Variants in CDH18 observed in about 807,000 individuals in gnomAD.
CDH18 encodes the protein cadherin 18.
Under a neutral mutation model 67.9 loss-of-function variants are expected in CDH18, and 31 were observed. The ratio of observed to expected loss-of-function variants is 0.46; its 90% CI spans 0.34 to 0.62. CDH18 has a LOEUF of 0.62. Ranked by LOEUF, CDH18 falls within the 20% of genes least tolerant of loss-of-function variation. The probability of loss-of-function intolerance (pLI) is 0.01; values close to 1 mark genes in which losing one functional copy is unlikely to be tolerated. For missense variants in CDH18, 890 were observed against 975.5 expected (o/e 0.91, Z 1.17); for synonymous variants, 362 against 347.2 (o/e 1.04, Z -0.48).
In CDH18 at chr5:19,604,538, C is replaced by T. The variant is rs1274776403; in HGVS notation, c.811+7896G>A. Among the ~76,000 whole-genome samples, 17 of 24,532 alleles carry T rather than the reference C, an allele frequency of 6.9e-4. No homozygotes were observed. The East Asian group carries it at 0.04, about 58-fold the overall frequency. 16.1% of individuals were successfully genotyped at this position (24,532 alleles called of 152,430 possible). A position where few individuals can be genotyped will look rare whatever the true frequency, so the allele number is the denominator to read the frequency against. ...TGCTAATTTCAAATTAAAACACACA[C>T]ACACACACACACACACACACACACA... is the stretch of plus-strand genomic sequence containing the variant. On this transcript the variant is annotated intron_variant, in intron 6 of 12. Coordinates refer to ENST00000382275, the MANE Select transcript of CDH18 (RefSeq NM_004934.5).
chr5:19,830,299 G>A (rs533026710), intron 3 of CDH18, among the ~76,000 whole-genome samples: 5 of 152,004 alleles, frequency 3.3e-5, no homozygotes, highest in East Asian at 3.9e-4. Flanking sequence ...ATCACACAAC[G>A]GTCTAATATC....
chr5:19,477,322 T>A (rs753842212), intron 12 of CDH18, among the ~76,000 whole-genome samples: 1 of 151,600 alleles, frequency 6.6e-6, no homozygotes, highest in East Asian at 1.9e-4. Flanking sequence ...CTTATTTTCA[T>A]TCCTGTTGGT....
At chr5:20,265,549 C>T (rs1242176433) in intron 1 of CDH18, among the ~76,000 whole-genome samples, 1 of 151,644 alleles carries the variant, frequency 6.6e-6, no homozygotes, top group Non-Finnish European at 1.5e-5. Flanking sequence ...AAGCTAAGAA[C>T]ATGGACTTAG....
rs750017853 is a variant in CDH18 at position 20,134,191 on chromosome 5, A to C, written c.-518+121253T>G. On this transcript the variant is annotated intron_variant, in intron 2 of 14. Coordinates refer to the CDH18 transcript ENST00000507958. The stretch of plus-strand genomic sequence containing the variant: ...TTGCCATGTTGGCCGCACTGGTCTC[A>C]AATTCTTGGCCTCAAGTGATCCACC... Among the ~76,000 whole-genome samples, 12 of 152,238 alleles carry C rather than the reference A, an allele frequency of 7.9e-5. No individual in the cohort carries two copies. In the East Asian group the frequency reaches 2.1e-3, roughly 27 times the overall value.
chr5:19,484,035 A>G (rs1739951059), intron 11 of CDH18, among the ~76,000 whole-genome samples: 1 of 152,208 alleles, frequency 6.6e-6, no homozygotes, highest in South Asian at 2.1e-4. Flanking sequence ...TAATATTTCT[A>G]TGGAGACAGT....
At chr5:19,612,334 T>C in intron 6 of CDH18, 100 bp downstream of exon 6, 1 of 1,174,642 alleles carries the variant, frequency 8.5e-7, no homozygotes, top group East Asian at 2.5e-5. Context: ...ACAGAACAAT[T>C]CCACTTAAGA....
At chr5:20,325,915 A>G (rs972166867) in intron 1 of CDH18, among the ~76,000 whole-genome samples, 1 of 152,164 alleles carries the variant, frequency 6.6e-6, no homozygotes, top group African/African-American at 2.4e-5. Flanking sequence ...AAAATGAGAA[A>G]CACCCTTCCC....
intron 5 of CDH18, among the ~76,000 whole-genome samples, chr5:19,618,530 T>C (rs2150132279): frequency 6.6e-6 from 1 of 152,246 alleles, no homozygotes; most frequent in South Asian, 2.1e-4. Flanking sequence ...TTTCTTAATT[T>C]GTTCAGTTTT....
At chr5:19,730,318 T>G (rs1172941406) in intron 4 of CDH18, among the ~76,000 whole-genome samples, 1 of 152,228 alleles carries the variant, frequency 6.6e-6, no homozygotes, top group Non-Finnish European at 1.5e-5. Context: ...ACAGAAGGTA[T>G]TAACAGATTT....
At chr5:20,083,399 G>A (rs983956963) in intron 2 of CDH18, among the ~76,000 whole-genome samples, 5 of 151,910 alleles carry the variant, frequency 3.3e-5, no homozygotes, top group African/African-American at 1.2e-4. Flanking sequence ...GTTTCATTTT[G>A]TTTATTTTTT....
intron 1 of CDH18, chr5:20,305,108 G>C (rs960545755): frequency 6.9e-5 from 107 of 1,554,332 alleles, no homozygotes; most frequent in Non-Finnish European, 9.4e-5. Flanking sequence ...TTTGCAGCAA[G>C]AGAACCAAAG....
At chr5:19,537,604 A>T (rs899737883) in intron 9 of CDH18, among the ~76,000 whole-genome samples, 5 of 152,064 alleles carry the variant, frequency 3.3e-5, no homozygotes, top group African/African-American at 1.2e-4. Context: ...GACTGAATCC[A>T]TGCATTATCC....
chr5:19,825,273 G>A (rs1388358283), intron 3 of CDH18, among the ~76,000 whole-genome samples: 1 of 152,122 alleles, frequency 6.6e-6, no homozygotes, highest in Non-Finnish European at 1.5e-5. Flanking sequence ...GCCAGCTAGA[G>A]CTTCCAGCAC....
chr5:20,018,865 A>G (rs1206049915), intron 2 of CDH18, among the ~76,000 whole-genome samples: 1 of 140,554 alleles, frequency 7.1e-6, no homozygotes, highest in African/African-American at 2.8e-5. Context: ...CGCGATCTCG[A>G]CTCACTGCAA....
intron 6 of CDH18, among the ~76,000 whole-genome samples, chr5:19,599,290 T>C (rs1211763101): frequency 6.6e-6 from 1 of 152,082 alleles, no homozygotes; most frequent in Non-Finnish European, 1.5e-5. Flanking sequence ...ATGAAGAAAT[T>C]GATGTAAACA....
chr5:19,850,281 C>T (rs948945463), intron 2 of CDH18, among the ~76,000 whole-genome samples: 9 of 151,598 alleles, frequency 5.9e-5, no homozygotes, highest in Non-Finnish European at 8.8e-5. Flanking sequence ...TTGTCCCATT[C>T]GTAAAATGTA....
intron 1 of CDH18, among the ~76,000 whole-genome samples, chr5:20,448,059 C>T (rs939987632): frequency 6.6e-6 from 1 of 152,106 alleles, no homozygotes; most frequent in South Asian, 2.1e-4. Context: ...CCTCTCCCCC[C>T]ACCCCACAAC....
At chr5:19,943,762 A>C (rs558212261) in intron 2 of CDH18, among the ~76,000 whole-genome samples, 1 of 152,102 alleles carries the variant, frequency 6.6e-6, no homozygotes, top group Middle Eastern at 3.2e-3. Flanking sequence ...ATTAAATCTT[A>C]ACATGAAAAA....
intron 1 of CDH18, among the ~76,000 whole-genome samples, chr5:20,556,405 T>A (rs1343805463): frequency 1.3e-5 from 2 of 152,172 alleles, no homozygotes; most frequent in Admixed American, 6.6e-5. Flanking sequence ...GTCAAAGATA[T>A]GGGTCAATCA....
Sources: gnomAD v4.1 joint callset for allele counts (sites outside exome capture counted in the v4.1 genomes callset) on GRCh38, gnomAD v4.1.1 for gene constraint, MANE v1.5 for transcripts, NCBI Gene and HGNC (gene_info 2026-07-23, HGNC 2026-07-21) for gene names.